Variants in SRPK2 observed in about 807,000 individuals in gnomAD.
SRPK2 encodes SRSF protein kinase 2.
SRPK2 carries 21 observed loss-of-function variants against 90.8 expected under a neutral mutation model. That is an observed-to-expected ratio of 0.23 (90% CI 0.16 to 0.33). The LOEUF (loss-of-function observed/expected upper bound fraction) is 0.33, where lower values mean the gene tolerates loss of function less well. SRPK2 is among the 10% of genes least tolerant of loss of function. The pLI, the probability that SRPK2 is intolerant of heterozygous loss-of-function variation, is 1.00. For synonymous variants in SRPK2, 288 were observed against 311.1 expected (o/e 0.93, Z 0.78); for missense variants, 620 against 869.0 (o/e 0.71, Z 3.60).
At chr7:105,384,846 C>T (rs1461987665) in intron 2 of SRPK2, among the ~76,000 whole-genome samples, 2 of 152,024 alleles carry the variant, frequency 1.3e-5, no homozygotes, top group African/African-American at 2.4e-5. Flanking sequence ...TCCACTACTA[C>T]CCCCATCCCC....
chr7:105,230,271 A>G (rs1208978090), intron 2 of SRPK2, among the ~76,000 whole-genome samples: 2 of 152,212 alleles, frequency 1.3e-5, no homozygotes, highest in Non-Finnish European at 2.9e-5. Flanking sequence ...GGAACATTTC[A>G]GGTAGAGGGA....
intron 15 of SRPK2, among the ~76,000 whole-genome samples, chr7:105,122,669 A>G (rs1337155615): frequency 6.6e-6 from 1 of 152,216 alleles, no homozygotes; most frequent in Admixed American, 6.5e-5. Flanking sequence ...CCTGGGTTTT[A>G]GCCCTCAGTT....
At chr7:105,126,460 C>A in intron 14 of SRPK2, 120 bp from the exon 15 acceptor site, 1 of 738,946 alleles carries the variant, frequency 1.4e-6, no homozygotes, top group South Asian at 1.7e-5. Context: ...TCAACAGTGT[C>A]TGCAGCACAT....
chr7:105,211,842 G>A (rs1344451919), intron 2 of SRPK2, among the ~76,000 whole-genome samples: 1 of 152,156 alleles, frequency 6.6e-6, no homozygotes, highest in Non-Finnish European at 1.5e-5. Flanking sequence ...CTAGAACGTA[G>A]TACACAGCCA....
intron 2 of SRPK2, among the ~76,000 whole-genome samples, chr7:105,328,075 C>T (rs768310766): frequency 1.3e-5 from 2 of 152,176 alleles, no homozygotes. Flanking sequence ...AATGCCCAGC[C>T]TATAGGAGTT....
At chr7:105,157,961 G>A (rs1204548844) in intron 7 of SRPK2, among the ~76,000 whole-genome samples, 1 of 152,188 alleles carries the variant, frequency 6.6e-6, no homozygotes, top group South Asian at 2.1e-4. Context: ...AGCTACTAGG[G>A]AGGCTGAGGT....
chr7:105,179,744 G>T (rs1052218304), intron 3 of SRPK2, among the ~76,000 whole-genome samples: 3 of 136,988 alleles, frequency 2.2e-5, no homozygotes, highest in Non-Finnish European at 4.6e-5. Flanking sequence ...AGAATCACTT[G>T]AACCCAGGAG....
chr7:105,252,749 T>TTTTTTTTTC (rs1491036725), intron 2 of SRPK2, among the ~76,000 whole-genome samples: 1 of 8,398 alleles, frequency 1.2e-4, no homozygotes. Context: ...TTTTTTTTCT[T>TTTTTTTTTC]TTTTTTTTTT....
intron 2 of SRPK2, among the ~76,000 whole-genome samples, 177 bp from the exon 3 acceptor site, chr7:105,203,962 G>C (rs1795884452): frequency 1.4e-5 from 1 of 70,318 alleles, no homozygotes; most frequent in South Asian, 4.4e-4. Context: ...CAACATATAA[G>C]TCAGGCCAAA....
At chr7:105,357,066 C>T (rs1047028985) in intron 2 of SRPK2, among the ~76,000 whole-genome samples, 3 of 149,242 alleles carry the variant, frequency 2.0e-5, no homozygotes, top group Admixed American at 6.7e-5. Flanking sequence ...GACGGAGTCT[C>T]GCTCTGTCGC....
Position 105,388,683 on chromosome 7 carries a change from T to C in SRPK2, c.36A>G (p.Arg12=). 1 of 1,587,836 alleles carries C rather than the reference T, an allele frequency of 6.3e-7. No homozygotes were observed. The highest frequency in any genetic ancestry group is 8.6e-7 in the Non-Finnish European group (1 of 1,166,912). The change falls in exon 2 of 16, where the codon CGA becomes CGG. Residue 12 remains arginine (R), a synonymous_variant. Transcript: ENST00000393651. ...SSRKVLAIQA[R]KRRPKREKHP... is the part of the protein sequence containing the mutation. ...GTTTCTCTCTTTTCGGCCTCCGCTT[T>C]CGGGCCTGAATGGCCAGCACTGGGG...
At chr7:105,321,331 T>C (rs754016604) in intron 2 of SRPK2, among the ~76,000 whole-genome samples, 11 of 152,110 alleles carry the variant, frequency 7.2e-5, no homozygotes, top group Non-Finnish European at 1.6e-4. Context: ...AAACTTAAAA[T>C]CGACAAACAA....
chr7:105,266,541 C>T (rs986609211), intron 2 of SRPK2, among the ~76,000 whole-genome samples: 3 of 152,116 alleles, frequency 2.0e-5, no homozygotes, highest in Non-Finnish European at 4.4e-5. Flanking sequence ...AGAAAGAAGT[C>T]AGATTTCTTC....
At chr7:105,179,658 C>G (rs1249224020) in intron 3 of SRPK2, among the ~76,000 whole-genome samples, 1 of 151,696 alleles carries the variant, frequency 6.6e-6, no homozygotes. Flanking sequence ...AACCGCATCT[C>G]CACTAAAAAT....
chr7:105,380,521 A>AT (rs35323315), intron 2 of SRPK2, among the ~76,000 whole-genome samples: 3,538 of 107,272 alleles, frequency 0.033, 152 homozygotes, highest in African/African-American at 0.089. Context: ...ACATGCTAAA[A>AT]TTTTTTTTTT....
chr7:105,232,719 A>T (rs1174289732), intron 2 of SRPK2, among the ~76,000 whole-genome samples: 1 of 6,654 alleles, frequency 1.5e-4, no homozygotes, highest in African/African-American at 4.9e-4. Context: ...AATAATAATA[A>T]AAAAAAAAAA....
chr7:105,240,155 T>C (rs1241163207), intron 2 of SRPK2, among the ~76,000 whole-genome samples: 1 of 152,174 alleles, frequency 6.6e-6, no homozygotes, highest in Non-Finnish European at 1.5e-5. Context: ...TGGTGAGGGC[T>C]GGTTTCCTAG....
chr7:105,385,524 A>G (rs895908453), intron 2 of SRPK2, among the ~76,000 whole-genome samples: 17 of 152,006 alleles, frequency 1.1e-4, no homozygotes, highest in African/African-American at 3.6e-4. Flanking sequence ...TTCCACATGT[A>G]AGCCTCCAAT....
chr7:105,327,460 C>A (rs1813724029), intron 2 of SRPK2, among the ~76,000 whole-genome samples: 1 of 152,204 alleles, frequency 6.6e-6, no homozygotes, highest in South Asian at 2.1e-4. Context: ...CTAACCACTG[C>A]CAATCTCTTG....
Sources: allele counts gnomAD v4.1 joint callset (sites outside exome capture counted in the v4.1 genomes callset), GRCh38; gene constraint gnomAD v4.1.1; transcripts MANE v1.5; gene names NCBI Gene and HGNC (gene_info 2026-07-23, HGNC 2026-07-21).